Variants in DYNC1I1 observed in about 807,000 individuals in gnomAD.
DYNC1I1 encodes the protein dynein cytoplasmic 1 intermediate chain 1.
A neutral mutation model predicts 86.6 loss-of-function variants in DYNC1I1; 43 were observed. The ratio of observed to expected loss-of-function variants is 0.50; its 90% CI spans 0.39 to 0.64. The LOEUF (loss-of-function observed/expected upper bound fraction) is 0.64, where lower values mean the gene tolerates loss of function less well. DYNC1I1 is among the 30% of genes least tolerant of loss of function. The probability of loss-of-function intolerance (pLI) is 0.00; values close to 1 mark genes in which losing one functional copy is unlikely to be tolerated. For synonymous variants in DYNC1I1, 262 were observed against 283.7 expected, an observed-to-expected ratio of 0.92 and a Z score of 0.77; for missense variants, 604 against 788.8, an observed-to-expected ratio of 0.77 and a Z score of 2.81.
At position 95,996,092 on chromosome 7, in the gene DYNC1I1, A is replaced by T. The variant is rs1793861024; in HGVS notation, c.969+19A>T. On this transcript the variant is annotated intron_variant, in intron 10 of 16. Coordinates refer to ENST00000447467, the MANE Select transcript of DYNC1I1 (RefSeq NM_001135556.2). ...CTGTCAGGTAGGAGTCAGCGTAGTA[A>T]AAATAACTTACATCTCCTGCTAGAC... The T allele has an allele frequency of 6.2e-7, 1 of 1,613,960 alleles. No individual in the cohort carries two copies. Among genetic ancestry groups the T allele is most frequent in the Non-Finnish European group, 8.5e-7 (1 of 1,179,902 alleles).
At chr7:95,892,803 T>A (rs1790778886) in intron 6 of DYNC1I1, among the ~76,000 whole-genome samples, 1 of 152,072 alleles carries the variant, frequency 6.6e-6, no homozygotes, top group East Asian at 1.9e-4. Flanking sequence ...GAAATAACAT[T>A]AGCAATACAA....
rs200152096 is a variant in DYNC1I1 at position 95,785,775 on chromosome 7, GTATATATATATATATA to G, written c.-10+13030_-10+13045del. On this transcript the variant is annotated intron_variant, in intron 1 of 16. Transcript: ENST00000447467. ...TGTATGTATATATATGTGTGTATGT[GTATATATATATATATA>G]TATATATATATATATATATATATAT... is the stretch of plus-strand genomic sequence containing the variant. Among the ~76,000 whole-genome samples the G allele has an allele frequency of 8.3e-3, 1,042 of 124,878 alleles. 24 individuals carry two copies. Among genetic ancestry groups the G allele is most frequent in the Admixed American group, 0.015 (182 of 11,746 alleles). The allele number at this position is 124,878 out of a possible 152,430, so 81.9% of individuals were successfully genotyped here.
intron 16 of DYNC1I1, among the ~76,000 whole-genome samples, chr7:96,107,230 A>C (rs1261190895): frequency 6.6e-6 from 1 of 151,858 alleles, no homozygotes; most frequent in Non-Finnish European, 1.5e-5. Context: ...GGGTTTCATC[A>C]TGTTGGCCAG....
chr7:95,969,761 A>T (rs1793117392), intron 6 of DYNC1I1, among the ~76,000 whole-genome samples: 1 of 152,142 alleles, frequency 6.6e-6, no homozygotes, highest in Non-Finnish European at 1.5e-5. Context: ...TCCTTCAGGA[A>T]GTAAACTTTC....
intron 6 of DYNC1I1, among the ~76,000 whole-genome samples, chr7:95,941,094 C>T (rs370984660): frequency 7.2e-5 from 11 of 152,172 alleles, no homozygotes; most frequent in East Asian, 3.8e-4. Context: ...GTACCAGCAG[C>T]GGTGGCTGCA....
chr7:95,986,023 C>CGTGTGTGTGTGTGTGT (rs3138829), intron 8 of DYNC1I1, among the ~76,000 whole-genome samples: 2,751 of 132,638 alleles, frequency 0.021, 76 homozygotes, highest in East Asian at 0.078. Flanking sequence ...CCTGGCAGGA[C>CGTGTGTGTGTGTGTGT]GTGTGTGTGT....
intron 14 of DYNC1I1, among the ~76,000 whole-genome samples, chr7:96,046,307 T>G (rs555304811): frequency 1.9e-3 from 288 of 152,312 alleles, no homozygotes; most frequent in African/African-American, 6.6e-3. Context: ...TAATCAAAAT[T>G]TGATTTTAAG....
chr7:96,106,089 G>C (rs1791209680), intron 16 of DYNC1I1, among the ~76,000 whole-genome samples: 1 of 152,092 alleles, frequency 6.6e-6, no homozygotes, highest in Admixed American at 6.6e-5. Context: ...CAAAGAACCA[G>C]CTTTTTAAAT....
intron 4 of DYNC1I1, among the ~76,000 whole-genome samples, chr7:95,816,462 C>T (rs2115860654): frequency 6.6e-6 from 1 of 152,256 alleles, no homozygotes; most frequent in African/African-American, 2.4e-5. Context: ...GCAATTTATG[C>T]TTCCATTGTT....
At chr7:95,799,635 A>T (rs1292979921) in intron 1 of DYNC1I1, among the ~76,000 whole-genome samples, 2 of 151,578 alleles carry the variant, frequency 1.3e-5, no homozygotes, top group African/African-American at 4.9e-5. Context: ...TTAATTTTTT[A>T]AAAAGTTTTT....
chr7:95,996,216 T>A, intron 10 of DYNC1I1, 143 bp downstream of exon 10: 1 of 1,254,376 alleles, frequency 8.0e-7, no homozygotes, highest in Non-Finnish European at 1.1e-6. Flanking sequence ...TCCCCCACAG[T>A]AACCTAATGT....
At chr7:96,016,302 GT>G (rs75914318) in intron 10 of DYNC1I1, among the ~76,000 whole-genome samples, 879 of 132,632 alleles carry the variant, frequency 6.6e-3, no homozygotes, top group Non-Finnish European at 8.8e-3. Flanking sequence ...AACACTTTAG[GT>G]TTTTTTTTTT....
chr7:95,925,810 A>T (rs982001440), intron 6 of DYNC1I1, among the ~76,000 whole-genome samples: 4 of 152,196 alleles, frequency 2.6e-5, no homozygotes, highest in African/African-American at 9.6e-5. Flanking sequence ...GAGTTGAATT[A>T]CATTTTACTG....
At chr7:95,831,766 A>G (rs1395497985) in intron 5 of DYNC1I1, among the ~76,000 whole-genome samples, 1 of 152,078 alleles carries the variant, frequency 6.6e-6, no homozygotes, top group African/African-American at 2.4e-5. Flanking sequence ...ACTTTTTCAT[A>G]TACATATTGG....
rs144960752 is a variant in DYNC1I1 at position 95,900,806 on chromosome 7, A to G, written c.490+30808A>G. ...AAGTTTTATTAAGAAGAATCATACC[A>G]TGTATGTTTCATGAGATTTTCATTC... On this transcript the variant is annotated intron_variant, in intron 6 of 16. Transcript: ENST00000447467. Among the ~76,000 whole-genome samples the G allele has an allele frequency of 5.6e-4, 85 of 152,304 alleles. No individual in the cohort carries two copies. The East Asian group carries it at 0.014, about 26-fold the overall frequency.
intron 10 of DYNC1I1, among the ~76,000 whole-genome samples, chr7:96,024,628 A>G (rs911595499): frequency 1.3e-5 from 2 of 152,208 alleles, no homozygotes; most frequent in African/African-American, 4.8e-5. Flanking sequence ...GAATAACAAT[A>G]TAAAATTTCA....
At chr7:96,026,940 GGCT>G (rs1794696728) in intron 10 of DYNC1I1, among the ~76,000 whole-genome samples, 1 of 152,172 alleles carries the variant, frequency 6.6e-6, no homozygotes, top group Admixed American at 6.5e-5. Flanking sequence ...TCACATTCAA[GGCT>G]GCTACTTGGG....
At chr7:96,042,871 T>TA (rs893079165) in intron 14 of DYNC1I1, among the ~76,000 whole-genome samples, 1 of 151,956 alleles carries the variant, frequency 6.6e-6, no homozygotes, top group Non-Finnish European at 1.5e-5. Context: ...AATATAGGAA[T>TA]AAAAAATGGG....
intron 14 of DYNC1I1, among the ~76,000 whole-genome samples, chr7:96,049,117 G>A (rs986680099): frequency 1.3e-5 from 2 of 152,002 alleles, no homozygotes; most frequent in Admixed American, 6.5e-5. Context: ...AATTAGCTGG[G>A]CATGGTGGCG....
Sources: allele counts gnomAD v4.1 joint callset (sites outside exome capture counted in the v4.1 genomes callset), GRCh38; gene constraint gnomAD v4.1.1; transcripts MANE v1.5; gene names NCBI Gene and HGNC (gene_info 2026-07-23, HGNC 2026-07-21).